Variants in RANBP2 observed in about 807,000 individuals in gnomAD.
The protein encoded by RANBP2 is E3 SUMO-protein ligase RanBP2.
Under a neutral mutation model 303.6 loss-of-function variants are expected in RANBP2, and 57 were observed. The ratio of observed to expected loss-of-function variants is 0.19; its 90% confidence interval spans 0.15 to 0.23. The LOEUF (loss-of-function observed/expected upper bound fraction) is 0.23. Ranked by LOEUF, RANBP2 falls within the 10% of genes least tolerant of loss-of-function variation. RANBP2 has a pLI of 1.00. For missense variants in RANBP2, 3,138 were observed against 3,780.8 expected (o/e 0.83, Z 4.46); for synonymous variants, 1,167 against 1,301.5 (o/e 0.90, Z 2.23).
chr2:109,260,567 A>G, the RANBP2 span, among the ~76,000 whole-genome samples: 1 of 152,194 alleles, frequency 6.6e-6, no homozygotes, highest in Admixed American at 6.5e-5. Flanking sequence ...GTCATAGGCA[A>G]GAGGGCTCCC....
At chr2:109,537,771 C>T in the RANBP2 span, among the ~76,000 whole-genome samples, 1 of 152,048 alleles carries the variant, frequency 6.6e-6, no homozygotes, top group Non-Finnish European at 1.5e-5. Flanking sequence ...CGGGGCGAAA[C>T]CCTGTCTCTA....
the RANBP2 span, among the ~76,000 whole-genome samples, chr2:109,320,159 C>T: frequency 6.6e-6 from 1 of 152,194 alleles, no homozygotes; most frequent in Non-Finnish European, 1.5e-5. Flanking sequence ...TCTTCTCTCA[C>T]CCCAGTTCTC....
chr2:109,227,094 G>A, the RANBP2 span, among the ~76,000 whole-genome samples: 1 of 152,282 alleles, frequency 6.6e-6, no homozygotes, highest in East Asian at 1.9e-4. Context: ...TGTTTCTGGG[G>A]TCTTTGCTGG....
At chr2:108,875,328 AAAAAAAAAG>A in the RANBP2 span, among the ~76,000 whole-genome samples, 10,145 of 151,156 alleles carry the variant, frequency 0.067, 2,706 homozygotes, top group East Asian at 0.86. Context: ...ATAAAAAAAA[AAAAAAAAAG>A]AAACAAATTC....
chr2:108,994,899 G>A, the RANBP2 span, among the ~76,000 whole-genome samples: 1 of 142,818 alleles, frequency 7.0e-6, no homozygotes, highest in Non-Finnish European at 1.5e-5. Context: ...GTGCAATCTC[G>A]GCTCACTGCA....
chr2:109,196,713 C>T, the RANBP2 span, among the ~76,000 whole-genome samples: 1 of 152,178 alleles, frequency 6.6e-6, no homozygotes, highest in African/African-American at 2.4e-5. Context: ...TGGTGTGTGC[C>T]TCCTCCCGGA....
the RANBP2 span, among the ~76,000 whole-genome samples, chr2:109,596,295 G>A: frequency 6.6e-6 from 1 of 152,102 alleles, no homozygotes; most frequent in Admixed American, 6.5e-5. Flanking sequence ...GCTTAGTGTT[G>A]ATAAGTAAAA....
the RANBP2 span, chr2:109,758,885 C>T: frequency 6.9e-6 from 1 of 145,906 alleles, no homozygotes; most frequent in Non-Finnish European, 1.5e-5. Context: ...GTGACCTATG[C>T]TTTTTCCAAA....
chr2:109,031,845 A>G, the RANBP2 span, among the ~76,000 whole-genome samples: 2 of 151,992 alleles, frequency 1.3e-5, no homozygotes, highest in South Asian at 2.1e-4. Context: ...TTCAGCAACT[A>G]AGCTTTTCTG....
the RANBP2 span, among the ~76,000 whole-genome samples, chr2:109,374,044 T>C: frequency 6.6e-6 from 1 of 152,196 alleles, no homozygotes; most frequent in East Asian, 1.9e-4. Flanking sequence ...TGCCTGTGGG[T>C]CTGAAAAGCC....
At chr2:108,915,860 G>A in the RANBP2 span, among the ~76,000 whole-genome samples, 2 of 151,950 alleles carry the variant, frequency 1.3e-5, no homozygotes, top group African/African-American at 4.8e-5. Context: ...CCACGCCATT[G>A]CACTCCATGC....
At chr2:109,470,322 G>A in the RANBP2 span, among the ~76,000 whole-genome samples, 2 of 152,118 alleles carry the variant, frequency 1.3e-5, no homozygotes, top group Non-Finnish European at 2.9e-5. Context: ...CTTGCATTTC[G>A]GGTAGACTCC....
At chr2:108,770,798 T>C (rs1677445994) in intron 20 of RANBP2, among the ~76,000 whole-genome samples, 1 of 152,210 alleles carries the variant, frequency 6.6e-6, no homozygotes, top group Non-Finnish European at 1.5e-5. Flanking sequence ...TACATTATTG[T>C]TTTTCACCAA....
the RANBP2 span, among the ~76,000 whole-genome samples, chr2:109,094,050 G>A: frequency 1.3e-5 from 2 of 152,226 alleles, no homozygotes; most frequent in Non-Finnish European, 2.9e-5. Context: ...AACTTAGTGT[G>A]TAATAACTAG....
At chr2:109,414,886 A>T in the RANBP2 span, among the ~76,000 whole-genome samples, 1 of 152,196 alleles carries the variant, frequency 6.6e-6, no homozygotes, top group Non-Finnish European at 1.5e-5. Context: ...GCCCCCACAC[A>T]TGTCCAAGTG....
chr2:109,623,092 A>T, the RANBP2 span, among the ~76,000 whole-genome samples: 1 of 152,164 alleles, frequency 6.6e-6, no homozygotes, highest in Non-Finnish European at 1.5e-5. Context: ...GTGCCATTGC[A>T]CTCCAGCCTG....
At chr2:109,541,597 A>G in the RANBP2 span, among the ~76,000 whole-genome samples, 2 of 152,130 alleles carry the variant, frequency 1.3e-5, no homozygotes, top group Non-Finnish European at 2.9e-5. Context: ...CCCATTCCTT[A>G]ACTGCTTCTG....
chr2:109,052,244 C>G, the RANBP2 span, among the ~76,000 whole-genome samples: 1 of 152,162 alleles, frequency 6.6e-6, no homozygotes, highest in African/African-American at 2.4e-5. Flanking sequence ...TCTGATGCTC[C>G]AAGAATTCTC....
At chr2:109,359,367 T>C in the RANBP2 span, among the ~76,000 whole-genome samples, 9 of 152,240 alleles carry the variant, frequency 5.9e-5, no homozygotes, top group Admixed American at 5.9e-4. Context: ...TGAAAAGAAC[T>C]GACATCTTGA....
Sources: allele counts gnomAD v4.1 joint callset (sites outside exome capture counted in the v4.1 genomes callset), GRCh38; gene constraint gnomAD v4.1.1; transcripts MANE v1.5; gene names NCBI Gene and HGNC (gene_info 2026-07-23, HGNC 2026-07-21).